The following SDK1 variants were observed in gnomAD, a reference collection of about 807,000 sequenced individuals.
SDK1 encodes protein sidekick-1.
Under a neutral mutation model 245.5 loss-of-function variants are expected in SDK1, and 157 were observed. That is an observed-to-expected ratio of 0.64 (90% CI 0.56 to 0.73). The LOEUF is 0.73. Among genes scored for constraint, SDK1 ranks in the 30% least tolerant of loss-of-function variants. The pLI, the probability that SDK1 is intolerant of heterozygous loss-of-function variation, is 0.00. For missense variants in SDK1, 3,583 were observed against 3,002.3 expected (o/e 1.19, Z -4.52); for synonymous variants, 1,647 against 1,278.5 (o/e 1.29, Z -6.15).
chr7:3,891,655 A>G (rs1453004603), intron 5 of SDK1, among the ~76,000 whole-genome samples: 2 of 152,170 alleles, frequency 1.3e-5, no homozygotes, highest in East Asian at 3.9e-4. Context: ...CAACAGGCCA[A>G]ATTCTGGGTC....
chr7:4,153,703 GT>G (rs1435815552), intron 30 of SDK1, among the ~76,000 whole-genome samples: 1 of 152,140 alleles, frequency 6.6e-6, no homozygotes, highest in African/African-American at 2.4e-5. Context: ...TGTTTTATTT[GT>G]TTTTGTCTGT....
intron 30 of SDK1, among the ~76,000 whole-genome samples, chr7:4,155,203 G>A (rs1272989686): frequency 1.3e-5 from 2 of 151,640 alleles, no homozygotes; most frequent in Non-Finnish European, 2.9e-5. Flanking sequence ...TGGGGGCACT[G>A]GCGTGGCTTC....
At chr7:3,908,752 C>T (rs1350779572) in intron 5 of SDK1, among the ~76,000 whole-genome samples, 2 of 152,040 alleles carry the variant, frequency 1.3e-5, no homozygotes, top group Admixed American at 6.6e-5. Flanking sequence ...AATTTATTTT[C>T]CCTGTGTCTC....
intron 22 of SDK1, among the ~76,000 whole-genome samples, chr7:4,105,832 C>T (rs768466861): frequency 6.6e-6 from 1 of 152,162 alleles, no homozygotes; most frequent in Non-Finnish European, 1.5e-5. Flanking sequence ...GGAGCAGACA[C>T]ACTCTGAGAG....
chr7:3,778,032 G>T (rs1176019688), intron 4 of SDK1, among the ~76,000 whole-genome samples: 1 of 152,182 alleles, frequency 6.6e-6, no homozygotes, highest in African/African-American at 2.4e-5. Context: ...GTAGTTTGAA[G>T]TTTTTGTTGG....
In SDK1 at chr7:3,987,246, C is replaced by T. The variant is rs151044664; in HGVS notation, c.2055C>T (p.Ala685=). ...LVSPNSSHSH[A]VVLSWVRPFD... ...GCCCTAATTCTTCCCACAGCCACGC[C>T]GTGGTGCTCTCTTGGGTCCGGCCCT... Residue 685 remains alanine, a synonymous_variant, in exon 14 of 45, where the codon GCC becomes GCT. Coordinates refer to ENST00000404826, the MANE Select transcript of SDK1 (RefSeq NM_152744.4). 3.2e-5 allele frequency: 51 copies of T among 1,613,640 alleles called. No individual in the cohort carries two copies. Among genetic ancestry groups the T allele is most frequent in the African/African-American group, 1.2e-4 (9 of 74,918 alleles).
At chr7:3,715,984 A>T (rs1179195614) in intron 4 of SDK1, among the ~76,000 whole-genome samples, 1 of 152,192 alleles carries the variant, frequency 6.6e-6, no homozygotes, top group Admixed American at 6.5e-5. Context: ...GAATTGAAAC[A>T]TTCCATAACC....
chr7:3,574,786 A>G (rs1268342493), intron 1 of SDK1, among the ~76,000 whole-genome samples: 3 of 152,116 alleles, frequency 2.0e-5, no homozygotes, highest in African/African-American at 7.2e-5. Context: ...AGGCAGAAAT[A>G]AGGAGACAGA....
At chr7:3,320,341 G>A (rs1447816036) in intron 1 of SDK1, among the ~76,000 whole-genome samples, 1 of 151,786 alleles carries the variant, frequency 6.6e-6, no homozygotes. Flanking sequence ...TGTGGAGATA[G>A]CCACAAGTAA....
In SDK1 at chr7:3,914,245, C is replaced by A. The variant is rs375651298; in HGVS notation, c.848-36678C>A. On this transcript the variant is annotated intron_variant, in intron 5 of 44. Transcript: ENST00000404826. ...TTGTCTGCATTATTACCGTACTTGC[C>A]TATTTTCATTCCTGCTCATCCTACG... is the stretch of plus-strand genomic sequence containing the variant. 5.9e-5 allele frequency among the ~76,000 whole-genome samples: 9 copies of A among 152,302 alleles called. No individual in the cohort carries two copies. The South Asian group carries it at 1.2e-3, about 21-fold the overall frequency.
intron 5 of SDK1, among the ~76,000 whole-genome samples, chr7:3,928,639 T>G (rs950015187): frequency 5.6e-4 from 82 of 146,854 alleles, no homozygotes; most frequent in Non-Finnish European, 8.8e-4. Flanking sequence ...TTGGGGGGGG[T>G]GGGTGGAATG....
intron 7 of SDK1, among the ~76,000 whole-genome samples, chr7:3,958,520 G>T (rs778488594): frequency 6.6e-6 from 1 of 152,178 alleles, no homozygotes; most frequent in Non-Finnish European, 1.5e-5. Context: ...TTAATAGGCT[G>T]TTGCCCAATA....
At chr7:3,902,712 C>T (rs572990425) in intron 5 of SDK1, among the ~76,000 whole-genome samples, 21 of 152,310 alleles carry the variant, frequency 1.4e-4, no homozygotes, top group African/African-American at 4.6e-4. Context: ...GAAGCCTCAT[C>T]GCCTTCCCTG....
intron 1 of SDK1, among the ~76,000 whole-genome samples, chr7:3,398,618 C>T (rs1778795822): frequency 6.6e-6 from 1 of 151,772 alleles, no homozygotes; most frequent in Admixed American, 6.6e-5. Flanking sequence ...TCCCCTTGCC[C>T]TTGCTGAGCA....
At position 4,168,293 on chromosome 7, in the gene SDK1, A is replaced by G. The variant is rs922815228; in HGVS notation, c.4801-5929A>G. Among the ~76,000 whole-genome samples, 5 of 152,216 alleles carry G rather than the reference A, an allele frequency of 3.3e-5. No homozygotes were observed. In the East Asian group the frequency reaches 9.6e-4, roughly 29 times the overall value. ...TGACTCTTCAGTGATTTCTGGTGCA[A>G]ACAGCATCAGTTAGCCTGTTGGCCA... On this transcript the variant is annotated intron_variant, in intron 32 of 44. Transcript: ENST00000404826.
intron 5 of SDK1, among the ~76,000 whole-genome samples, chr7:3,900,378 G>C (rs1258319077): frequency 6.6e-6 from 1 of 152,178 alleles, no homozygotes; most frequent in Non-Finnish European, 1.5e-5. Context: ...GTGGTCCGCT[G>C]TTTAGGTTTT....
At chr7:3,970,366 A>T (rs112826700) in intron 11 of SDK1, among the ~76,000 whole-genome samples, 4 of 152,222 alleles carry the variant, frequency 2.6e-5, no homozygotes, top group Non-Finnish European at 4.4e-5. Flanking sequence ...ATGCGTTTAA[A>T]GGAAATTAAT....
At chr7:3,717,850 A>T (rs1332521574) in intron 4 of SDK1, among the ~76,000 whole-genome samples, 1 of 152,202 alleles carries the variant, frequency 6.6e-6, no homozygotes, top group Non-Finnish European at 1.5e-5. Flanking sequence ...GAAGAATTTA[A>T]ATCAGTTTTA....
In SDK1 at chr7:3,552,952, A is replaced by G. The variant is rs57628119; in HGVS notation, c.299-66128A>G. ...AGTGTCTTACACAGTTATAAGTTGT[A>G]TATTTCTGTTTTTCTTATTACATTT... On this transcript the variant is annotated intron_variant, in intron 1 of 44. Transcript: ENST00000404826. Among the ~76,000 whole-genome samples, 775 of 152,312 alleles carry G rather than the reference A, an allele frequency of 5.1e-3. 5 individuals are homozygous for G. Among genetic ancestry groups the G allele is most frequent in the African/African-American group, 0.018 (742 of 41,568 alleles).
Sources: gnomAD v4.1 joint callset for allele counts (sites outside exome capture counted in the v4.1 genomes callset) on GRCh38, gnomAD v4.1.1 for gene constraint, MANE v1.5 for transcripts, NCBI Gene and HGNC (gene_info 2026-07-23, HGNC 2026-07-21) for gene names.